SLC17A6: variants seen among roughly 807,000 people sequenced by gnomAD.
SLC17A6 encodes the protein vesicular glutamate transporter 2.
Under a neutral mutation model 67.1 loss-of-function variants are expected in SLC17A6, and 35 were observed. The observed-to-expected ratio is 0.52, with a 90% confidence interval of 0.40 to 0.69. SLC17A6 has a LOEUF of 0.69. SLC17A6 is among the 30% of genes least tolerant of loss of function. The pLI, the probability that SLC17A6 is intolerant of heterozygous loss-of-function variation, is 0.00. For missense variants in SLC17A6, 588 were observed against 723.9 expected (o/e 0.81, Z 2.15); for synonymous variants, 285 against 252.3 (o/e 1.13, Z -1.23).
intron 8 of SLC17A6, among the ~76,000 whole-genome samples, chr11:22,370,580 A>T (rs1315763018): frequency 6.6e-6 from 1 of 152,166 alleles, no homozygotes; most frequent in African/African-American, 2.4e-5. Flanking sequence ...TTTCCAATCT[A>T]ATTATTCTTC....
rs1332985034 is a variant in SLC17A6 at position 22,359,115 on chromosome 11, G to A, written c.459-298G>A. 2.6e-5 allele frequency among the ~76,000 whole-genome samples: 4 copies of A among 152,168 alleles called. 1 individual carries two copies. The highest frequency in any genetic ancestry group is 4.1e-4 in the South Asian group (2 of 4,820). On this transcript the variant is annotated intron_variant, in intron 3 of 11. Coordinates refer to ENST00000263160, the MANE Select transcript of SLC17A6 (RefSeq NM_020346.3). ...TGAAATAGAGTCCAAAACATATATT[G>A]ATTTATTAAATATTTATAATTTGTA...
chr11:22,354,458 G>A (rs557319765), intron 3 of SLC17A6, among the ~76,000 whole-genome samples: 16 of 152,064 alleles, frequency 1.1e-4, no homozygotes, highest in East Asian at 7.7e-4. Context: ...CTTATACTTC[G>A]TTTAAGAAAA....
At position 22,339,157 on chromosome 11, in the gene SLC17A6, ATATATATGTTATATATATATGTTT is replaced by A. The variant is rs1564976518; in HGVS notation, c.86+546_86+569del. ...ATATATATATGTTATATATAGTTAT[ATATATATGTTATATATATATGTTT>A]TATATATATATATATATATATATGT... On this transcript the variant is annotated intron_variant, in intron 1 of 11. Transcript: ENST00000263160. Among the ~76,000 whole-genome samples the A allele has an allele frequency of 3.0e-3, 98 of 32,970 alleles. 7 individuals carry two copies. The highest frequency in any genetic ancestry group is 0.022 in the East Asian group (26 of 1,180). 21.6% of individuals were successfully genotyped at this position (32,970 alleles called of 152,430 possible). A position where few individuals can be genotyped will look rare whatever the true frequency, so the allele number is the denominator to read the frequency against.
chr11:22,367,763 A>G (rs1372781505), intron 7 of SLC17A6, among the ~76,000 whole-genome samples: 1 of 152,224 alleles, frequency 6.6e-6, no homozygotes, highest in African/African-American at 2.4e-5. Context: ...CCCCAGAAAG[A>G]ACAGCAGGAG....
chr11:22,338,489 A>G lies in SLC17A6; in HGVS notation c.-45A>G, dbSNP rs369027279. ...TGCGCAATCCTCGCCTTTCCTAGCA[A>G]TCACTATTTAAATCTGGCAAGAACT... On this transcript the variant is annotated 5_prime_UTR_variant, in exon 1 of 12. Coordinates refer to ENST00000263160, the MANE Select transcript of SLC17A6 (RefSeq NM_020346.3). 7.3e-7 allele frequency: 1 copy of G among 1,362,354 alleles called. No homozygotes were observed. The highest frequency in any genetic ancestry group is 1.4e-5 in the African/African-American group (1 of 69,482). The allele number at this position is 1,362,354 out of a possible 1,614,324, so 84.4% of individuals were successfully genotyped here.
intron 6 of SLC17A6, among the ~76,000 whole-genome samples, chr11:22,364,116 C>T (rs2133871854): frequency 6.6e-6 from 1 of 152,194 alleles, no homozygotes; most frequent in Non-Finnish European, 1.5e-5. Flanking sequence ...ATAGTACTTT[C>T]TTACTTGCTG....
In SLC17A6 at chr11:22,338,659, T is replaced by C. The variant is rs1351783505; in HGVS notation, c.86+40T>C. 5.6e-6 allele frequency: 8 copies of C among 1,439,834 alleles called. No homozygotes were observed. The Admixed American group carries it at 8.6e-5, about 16-fold the overall frequency. 89.2% of individuals were successfully genotyped at this position (1,439,834 alleles called of 1,614,324 possible). ...ACACTTGCTTACCTGGGGCTCAGCA[T>C]GAAAAAATCTGCAGGGCCGTTTCCG... is the stretch of plus-strand genomic sequence containing the variant. On this transcript the variant is annotated intron_variant, in intron 1 of 11. Coordinates refer to ENST00000263160, the MANE Select transcript of SLC17A6 (RefSeq NM_020346.3).
Position 22,377,762 on chromosome 11 carries a change from T to A in SLC17A6, c.*22T>A, listed in dbSNP as rs1590397563. The stretch of plus-strand genomic sequence containing the variant: ...ATAACAAAACTAATTACTGGATTTA[T>A]TTTTAGTGTTTGTGATTAAATTCAT... On this transcript the variant is annotated 3_prime_UTR_variant, in exon 12 of 12. Coordinates refer to ENST00000263160, the MANE Select transcript of SLC17A6 (RefSeq NM_020346.3). 2 of 1,507,016 alleles carry A rather than the reference T, an allele frequency of 1.3e-6. No individual in the cohort carries two copies. Among genetic ancestry groups the A allele is most frequent in the Non-Finnish European group, 1.8e-6 (2 of 1,124,214 alleles). The allele number at this position is 1,507,016 out of a possible 1,614,324, so 93.4% of individuals were successfully genotyped here. A position where few individuals can be genotyped will look rare whatever the true frequency, so the allele number is the denominator to read the frequency against.
chr11:22,366,173 A>G (rs1856109946), intron 7 of SLC17A6, among the ~76,000 whole-genome samples: 1 of 152,082 alleles, frequency 6.6e-6, no homozygotes, highest in Admixed American at 6.6e-5. Context: ...ATAAAATTTA[A>G]TGTATAAATT....
At chr11:22,374,673 A>G (rs1856212952) in intron 8 of SLC17A6, 82 bp from the exon 9 acceptor site, 27 of 1,167,192 alleles carry the variant, frequency 2.3e-5, no homozygotes, top group Middle Eastern at 2.1e-4. Flanking sequence ...AGATGTGATG[A>G]CAGATTCAGA....
chr11:22,351,461 G>A (rs973373085), intron 3 of SLC17A6, among the ~76,000 whole-genome samples: 1 of 151,946 alleles, frequency 6.6e-6, no homozygotes, highest in African/African-American at 2.4e-5. Context: ...ATGAAGGCAG[G>A]CATACTGATA....
At chr11:22,346,245 C>T (rs890326541) in intron 3 of SLC17A6, among the ~76,000 whole-genome samples, 1 of 152,150 alleles carries the variant, frequency 6.6e-6, no homozygotes, top group African/African-American at 2.4e-5. Flanking sequence ...GAGACAGCCA[C>T]TCAAGAGAGA....
chr11:22,365,380 A>G (rs184680438), intron 6 of SLC17A6, among the ~76,000 whole-genome samples, 167 bp from the exon 7 acceptor site: 1 of 152,320 alleles, frequency 6.6e-6, no homozygotes, highest in African/African-American at 2.4e-5. Context: ...AGAAGTTTGA[A>G]GCTTAATGGC....
intron 3 of SLC17A6, among the ~76,000 whole-genome samples, chr11:22,358,807 A>G (rs946404201): frequency 9.2e-5 from 14 of 152,356 alleles, no homozygotes; most frequent in African/African-American, 1.9e-4. Flanking sequence ...TATACTAAGT[A>G]TAATTATTTG....
chr11:22,363,965 G>T (rs1856080462), intron 6 of SLC17A6, among the ~76,000 whole-genome samples: 1 of 152,078 alleles, frequency 6.6e-6, no homozygotes, highest in South Asian at 2.1e-4. Context: ...CTTAAGTGAA[G>T]ATATGTGACC....
At chr11:22,361,164 T>G (rs1856047900) in intron 5 of SLC17A6, 180 bp downstream of exon 5, 1 of 515,898 alleles carries the variant, frequency 1.9e-6, no homozygotes, top group Non-Finnish European at 3.4e-6. Flanking sequence ...GCTTAAATCT[T>G]CTATTTATTC....
intron 3 of SLC17A6, among the ~76,000 whole-genome samples, chr11:22,349,644 G>A (rs1855916169): frequency 6.6e-6 from 1 of 152,134 alleles, no homozygotes; most frequent in Non-Finnish European, 1.5e-5. Context: ...AGAGTCATGT[G>A]GGCAGCTGGT....
At chr11:22,346,260 C>T (rs1289782098) in intron 3 of SLC17A6, among the ~76,000 whole-genome samples, 3 of 152,126 alleles carry the variant, frequency 2.0e-5, no homozygotes, top group African/African-American at 4.8e-5. Context: ...GAGAGAAGGG[C>T]TCCTGGCTAC....
intron 6 of SLC17A6, among the ~76,000 whole-genome samples, chr11:22,364,031 T>A (rs1406209986): frequency 1.3e-5 from 2 of 152,172 alleles, no homozygotes; most frequent in African/African-American, 4.8e-5. Context: ...ATATCATTAT[T>A]TCAAGTTATA....
Sources: gnomAD v4.1 joint callset for allele counts (sites outside exome capture counted in the v4.1 genomes callset) on GRCh38, gnomAD v4.1.1 for gene constraint, MANE v1.5 for transcripts, NCBI Gene and HGNC (gene_info 2026-07-23, HGNC 2026-07-21) for gene names.